Variants in PADI6 observed in about 807,000 individuals in gnomAD.
The protein encoded by PADI6 is inactive protein-arginine deiminase type-6.
Under a neutral mutation model 78.2 loss-of-function variants are expected in PADI6, and 66 were observed. The ratio of observed to expected loss-of-function variants is 0.84; its 90% CI spans 0.69 to 1.04. The LOEUF (loss-of-function observed/expected upper bound fraction) is 1.04, where lower values mean the gene tolerates loss of function less well. Among genes scored for constraint, PADI6 ranks in the 50% least tolerant of loss-of-function variants. The pLI is 0.00. For missense variants in PADI6, 854 were observed against 866.1 expected (o/e 0.99, Z 0.18); for synonymous variants, 397 against 346.9 (o/e 1.14, Z -1.60).
In PADI6 at chr1:17,397,109, G is replaced by A. The variant is rs769949675; in HGVS notation, c.1657G>A (p.Glu553Lys). The A allele has an allele frequency of 5.0e-6, 8 of 1,613,798 alleles. 1 individual carries two copies. In the South Asian group the frequency reaches 5.5e-5, roughly 11 times the overall value. The change falls in exon 14 of 16, where the codon GAA becomes AAA. Residue 553 changes from glutamate to lysine, a missense_variant. Physicochemically the swap from Glu to Lys is moderately conservative, Grantham distance 56 (BLOSUM62 1). Transcript: ENST00000619609. ...AACCATCGACCAACTTCTGGCTGAT[G>A]AAAGCCTGAAGAAGCAGAATGAATA... ...AKTIDQLLAD[E>K]SLKKQNEYVE...
At chr1:17,389,870 C>T (rs2075164960) in intron 8 of PADI6, among the ~76,000 whole-genome samples, 1 of 152,230 alleles carries the variant, frequency 6.6e-6, no homozygotes, top group African/African-American at 2.4e-5. Flanking sequence ...ACTCGCTCCA[C>T]ACCGGCCGCC....
chr1:17,380,951 A>G, intron 4 of PADI6, 96 bp from the exon 5 acceptor site: 1 of 1,015,668 alleles, frequency 9.8e-7, no homozygotes. Context: ...TACCCTGGAG[A>G]AAGGCTTGGC....
intron 10 of PADI6, 75 bp downstream of exon 10, chr1:17,394,157 C>A: frequency 6.4e-7 from 1 of 1,559,906 alleles, no homozygotes; most frequent in Non-Finnish European, 8.8e-7. Context: ...AATAATGGGG[C>A]ACCAAGTGGG....
intron 1 of PADI6, 105 bp downstream of exon 1, chr1:17,372,466 T>C (rs1204872): frequency 0.22 from 227,087 of 1,044,354 alleles, 26,253 homozygotes; most frequent in African/African-American, 0.35. Context: ...CTAGCCTCAC[T>C]ATCCTGCCCC....
intron 14 of PADI6, among the ~76,000 whole-genome samples, chr1:17,397,362 G>C (rs2075257212): frequency 1.3e-5 from 2 of 152,170 alleles, no homozygotes; most frequent in African/African-American, 4.8e-5. Flanking sequence ...TAGGTCTCTG[G>C]AGTCAAACAC....
chr1:17,385,130 C>CA (rs2075107512), intron 6 of PADI6, among the ~76,000 whole-genome samples: 1 of 152,140 alleles, frequency 6.6e-6, no homozygotes, highest in Non-Finnish European at 1.5e-5. Context: ...GAGGCCAAGG[C>CA]AGGAGGATCA....
chr1:17,388,249 C>T (rs780109398), intron 6 of PADI6, 132 bp from the exon 7 acceptor site: 7 of 817,584 alleles, frequency 8.6e-6, no homozygotes, highest in Non-Finnish European at 1.3e-5. Context: ...ATGGCTGAGC[C>T]ATTTCAGCTC....
intron 6 of PADI6, among the ~76,000 whole-genome samples, chr1:17,387,944 C>T (rs2075137339): frequency 6.6e-6 from 1 of 152,200 alleles, no homozygotes; most frequent in Non-Finnish European, 1.5e-5. Flanking sequence ...AAATGGTTCT[C>T]ACTGACCTTT....
chr1:17,392,254 C>G, intron 9 of PADI6, 29 bp downstream of exon 9: 1 of 1,511,596 alleles, frequency 6.6e-7, no homozygotes, highest in Non-Finnish European at 9.0e-7. Flanking sequence ...ACCCACCTGT[C>G]GGGGAGGGGT....
At chr1:17,376,363 G>A (rs34018214) in intron 3 of PADI6, among the ~76,000 whole-genome samples, 1,912 of 151,404 alleles carry the variant, frequency 0.013, 20 homozygotes, top group Middle Eastern at 0.034. Context: ...GCAGTGGCGC[G>A]ATCTTGGCTC....
rs1283142385 is a variant in PADI6 at position 17,401,229 on chromosome 1, A to G, written c.1876A>G (p.Asn626Asp). 2 of 1,614,002 alleles carry G rather than the reference A, an allele frequency of 1.2e-6. No individual in the cohort carries two copies. Among genetic ancestry groups the G allele is most frequent in the Non-Finnish European group, 1.7e-6 (2 of 1,179,872 alleles). ...DLLRMIVMGK[N>D]LGIPKPFGPQ... ...GTTGCGGATGATTGTGATGGGCAAG[A>G]ACCTGGGGATCCCCAAGCCTTTTGG... Residue 626 changes from asparagine (N) to aspartate (D), a missense_variant, in exon 16 of 16, where the codon AAC becomes GAC. Asn to Asp is a conservative substitution (Grantham distance 23). Transcript: ENST00000619609.
chr1:17,379,323 C>T (rs1056014031), intron 3 of PADI6, among the ~76,000 whole-genome samples: 1 of 149,762 alleles, frequency 6.7e-6, no homozygotes, highest in East Asian at 2.0e-4. Flanking sequence ...ACCGTGTTAG[C>T]CAGGATGGTC....
chr1:17,400,032 C>CA (rs1268674358), intron 15 of PADI6, among the ~76,000 whole-genome samples: 1 of 149,624 alleles, frequency 6.7e-6, no homozygotes, highest in African/African-American at 2.5e-5. Context: ...GACTGTCTCC[C>CA]AAAAAAACAA....
chr1:17,375,822 G>A (rs961124944), intron 3 of PADI6, among the ~76,000 whole-genome samples: 2 of 151,770 alleles, frequency 1.3e-5, no homozygotes, highest in African/African-American at 2.4e-5. Context: ...ACTAATTGAC[G>A]CATCTGGTCC....
Position 17,372,210 on chromosome 1 carries a change from G to GA in PADI6, c.-36_-35insA. 7 of 1,586,124 alleles carry GA rather than the reference G, an allele frequency of 4.4e-6. No individual in the cohort carries two copies. The highest frequency in any genetic ancestry group is 6.1e-6 in the Non-Finnish European group (7 of 1,154,646). ...GGTGAGCCCTGGGGCGTCTGAGGCT[G>GA]CTGTGCTGAGTGAGGGCTGCGGTGC... On this transcript the variant is annotated 5_prime_UTR_variant, in exon 1 of 16. Transcript: ENST00000619609.
In PADI6 at chr1:17,372,208, C is replaced by T. The variant is rs766569178; in HGVS notation, c.-38C>T. ...AGGGTGAGCCCTGGGGCGTCTGAGG[C>T]TGCTGTGCTGAGTGAGGGCTGCGGT... On this transcript the variant is annotated 5_prime_UTR_variant, in exon 1 of 16. Transcript: ENST00000619609. The T allele has an allele frequency of 3.8e-6, 6 of 1,580,124 alleles. No individual in the cohort carries two copies. The East Asian group carries it at 6.7e-5, about 18-fold the overall frequency.
At chr1:17,388,719 A>C (rs1468604970) in intron 7 of PADI6, 58 bp from the exon 8 acceptor site, 2 of 1,547,222 alleles carry the variant, frequency 1.3e-6, no homozygotes, top group Non-Finnish European at 1.8e-6. Flanking sequence ...ACCCTGGGGT[A>C]AGAGGGGAGC....
At chr1:17,393,233 G>C (rs2075208302) in intron 9 of PADI6, among the ~76,000 whole-genome samples, 1 of 152,136 alleles carries the variant, frequency 6.6e-6, no homozygotes, top group Admixed American at 6.6e-5. Flanking sequence ...GAAAGGCAGG[G>C]CTACCTCCTG....
Position 17,388,281 on chromosome 1 carries a change from C to A in PADI6, c.680-100C>A, listed in dbSNP as rs1427455420. The A allele has an allele frequency of 1.4e-5, 16 of 1,144,656 alleles. No homozygotes were observed. In the Admixed American group the frequency reaches 3.0e-4, roughly 22 times the overall value. 70.9% of individuals were successfully genotyped at this position (1,144,656 alleles called of 1,614,324 possible). A position where few individuals can be genotyped will look rare whatever the true frequency, so the allele number is the denominator to read the frequency against. ...GCTCCAGCCCTCCTGGAACTCACAG[C>A]CTTGCATCTGATATGAGGAATGAGC... On this transcript the variant is annotated intron_variant, in intron 6 of 15. Coordinates refer to ENST00000619609, the MANE Select transcript of PADI6 (RefSeq NM_207421.4).
Sources: allele counts gnomAD v4.1 joint callset (sites outside exome capture counted in the v4.1 genomes callset), GRCh38; gene constraint gnomAD v4.1.1; transcripts MANE v1.5; gene names NCBI Gene and HGNC (gene_info 2026-07-23, HGNC 2026-07-21).